PKIG: variants seen among roughly 807,000 people sequenced by gnomAD.
PKIG encodes protein kinase (cAMP-dependent, catalytic) inhibitor gamma.
Under a neutral mutation model 6.8 loss-of-function variants are expected in PKIG, and 1 was observed. The observed-to-expected ratio is 0.15, with a 90% CI of 0.05 to 0.69. PKIG has a LOEUF of 0.69. Ranked by LOEUF, PKIG falls within the 30% of genes least tolerant of loss-of-function variation. The pLI is 0.82. For missense variants in PKIG, 77 were observed against 104.0 expected (o/e 0.74, Z 1.13); for synonymous variants, 39 against 43.0 (o/e 0.91, Z 0.36).
chr20:44,589,560 G>A (rs1201425018), intron 1 of PKIG, among the ~76,000 whole-genome samples: 1 of 151,848 alleles, frequency 6.6e-6, no homozygotes. Flanking sequence ...TCGCCCCTTG[G>A]TTTTGCTACT....
intron 1 of PKIG, among the ~76,000 whole-genome samples, chr20:44,540,573 G>A (rs915543173): frequency 8.7e-5 from 13 of 149,258 alleles, no homozygotes; most frequent in Admixed American, 1.3e-4. Flanking sequence ...GTTTTTTTTT[G>A]TTTTTGTTTT....
chr20:44,574,909 A>C (rs2064883343), intron 1 of PKIG, among the ~76,000 whole-genome samples: 1 of 152,332 alleles, frequency 6.6e-6, no homozygotes. Flanking sequence ...CCTTTTAAAA[A>C]TATAACCACA....
At chr20:44,555,303 G>C (rs2064703626) in intron 1 of PKIG, among the ~76,000 whole-genome samples, 1 of 152,146 alleles carries the variant, frequency 6.6e-6, no homozygotes, top group South Asian at 2.1e-4. Flanking sequence ...AAACTATAAG[G>C]AATAGTGCTT....
At chr20:44,605,143 C>G (rs756791896) in intron 2 of PKIG, among the ~76,000 whole-genome samples, 1 of 152,122 alleles carries the variant, frequency 6.6e-6, no homozygotes, top group African/African-American at 2.4e-5. Flanking sequence ...CGGTGGCTCA[C>G]GCCTGTAATC....
intron 2 of PKIG, among the ~76,000 whole-genome samples, chr20:44,600,966 T>C (rs951856354): frequency 1.3e-5 from 2 of 152,014 alleles, no homozygotes; most frequent in Non-Finnish European, 2.9e-5. Context: ...ACATAGATTA[T>C]TTCGGGAAAG....
At chr20:44,602,360 C>T (rs915327217) in intron 2 of PKIG, among the ~76,000 whole-genome samples, 2 of 152,232 alleles carry the variant, frequency 1.3e-5, no homozygotes, top group African/African-American at 4.8e-5. Context: ...ACCCTCTCCT[C>T]TTCTCCCATA....
chr20:44,589,592 C>G (rs961160732), intron 1 of PKIG, among the ~76,000 whole-genome samples: 2 of 152,110 alleles, frequency 1.3e-5, no homozygotes, highest in Non-Finnish European at 2.9e-5. Context: ...CACTGAGTAT[C>G]TTTTTACTTA....
At chr20:44,600,450 G>T (rs2065111368) in intron 2 of PKIG, among the ~76,000 whole-genome samples, 1 of 152,182 alleles carries the variant, frequency 6.6e-6, no homozygotes, top group South Asian at 2.1e-4. Flanking sequence ...CAGGACTCTG[G>T]TCAGGGTCTC....
Position 44,539,586 on chromosome 20 carries a change from T to C in PKIG, c.-241+7608T>C, listed in dbSNP as rs185248803. Reference sequence around the variant, plus strand: ...GGCGCCCACCACCACGCCCGGCTGATTTTTGTATATTTAGTAGTAACAGGG... The same window carrying C: ...GGCGCCCACCACCACGCCCGGCTGACTTTTGTATATTTAGTAGTAACAGGG... On this transcript the variant is annotated intron_variant, in intron 1 of 4. Transcript: ENST00000372887. Among the ~76,000 whole-genome samples, 428 of 151,972 alleles carry C rather than the reference T, an allele frequency of 2.8e-3. 11 individuals carry two copies. The highest frequency in any genetic ancestry group is 0.026 in the Admixed American group (399 of 15,256).
At chr20:44,615,246 T>C (rs1293031116) in intron 3 of PKIG, among the ~76,000 whole-genome samples, 1 of 152,126 alleles carries the variant, frequency 6.6e-6, no homozygotes, top group Non-Finnish European at 1.5e-5. Context: ...CCGGTGCCAC[T>C]CCTCTCCCTG....
chr20:44,588,421 C>A (rs550861647), intron 1 of PKIG, among the ~76,000 whole-genome samples: 2 of 152,168 alleles, frequency 1.3e-5, no homozygotes, highest in Non-Finnish European at 2.9e-5. Context: ...GCGAGTGGAT[C>A]ACCTGAGGTC....
rs971525297 is a variant in PKIG, at chr20:44,618,846, A to ACAAT, written c.*487_*490dup. ...TTTTCAGCAGATATGGAGAGAGCTG[A>ACAAT]CAATCAATTCACATTTTTTAAGCCA... On this transcript the variant is annotated 3_prime_UTR_variant, in exon 4 of 4. Coordinates refer to ENST00000372886, the MANE Select transcript of PKIG (RefSeq NM_001281445.2). 13 of 158,356 alleles carry ACAAT rather than the reference A, an allele frequency of 8.2e-5. No homozygotes were observed. Among genetic ancestry groups the ACAAT allele is most frequent in the South Asian group, 1.9e-4 (1 of 5,392 alleles). 9.8% of individuals were successfully genotyped at this position (158,356 alleles called of 1,614,324 possible).
intron 2 of PKIG, among the ~76,000 whole-genome samples, chr20:44,610,041 A>G (rs1006204292): frequency 6.6e-6 from 1 of 152,184 alleles, no homozygotes; most frequent in Non-Finnish European, 1.5e-5. Flanking sequence ...AGAGCGCAGG[A>G]GTGAACCTCC....
At chr20:44,607,359 G>GTGTA (rs1555840454) in intron 2 of PKIG, among the ~76,000 whole-genome samples, 2 of 128,984 alleles carry the variant, frequency 1.6e-5, no homozygotes, top group African/African-American at 3.1e-5. Flanking sequence ...GTGTGTGTGT[G>GTGTA]TATATATATA....
At chr20:44,607,377 ATT>A (rs59226646) in intron 2 of PKIG, among the ~76,000 whole-genome samples, 32 of 94,218 alleles carry the variant, frequency 3.4e-4, no homozygotes, top group Admixed American at 1.2e-3. Flanking sequence ...ATATATATAT[ATT>A]TTTTTTTTTT....
At chr20:44,536,237 C>G in intron 1 of PKIG, among the ~76,000 whole-genome samples, 1 of 152,178 alleles carries the variant, frequency 6.6e-6, no homozygotes, top group Non-Finnish European at 1.5e-5. Context: ...TTGCTTCCAT[C>G]TTTTGGCTAT....
intron 1 of PKIG, among the ~76,000 whole-genome samples, chr20:44,548,170 C>CT (rs2064633544): frequency 6.6e-6 from 1 of 152,098 alleles, no homozygotes; most frequent in Non-Finnish European, 1.5e-5. Flanking sequence ...TAGAGCAAGA[C>CT]TGTCTAGAAA....
At chr20:44,563,090 TC>T (rs1392049081) in intron 1 of PKIG, among the ~76,000 whole-genome samples, 2 of 152,046 alleles carry the variant, frequency 1.3e-5, no homozygotes, top group Non-Finnish European at 2.9e-5. Context: ...GTTAAACTCT[TC>T]CCTTAAAGAA....
chr20:44,546,676 C>G (rs1352311953), intron 1 of PKIG, among the ~76,000 whole-genome samples: 2 of 151,986 alleles, frequency 1.3e-5, no homozygotes, highest in African/African-American at 4.8e-5. Context: ...CCTCAGCCCC[C>G]CGGGTAGCTG....
Sources: gnomAD v4.1 joint callset for allele counts (sites outside exome capture counted in the v4.1 genomes callset) on GRCh38, gnomAD v4.1.1 for gene constraint, MANE v1.5 for transcripts, NCBI Gene and HGNC (gene_info 2026-07-23, HGNC 2026-07-21) for gene names.